Variants in HSPG2 observed in about 807,000 individuals in gnomAD.
The protein encoded by HSPG2 is basement membrane-specific heparan sulfate proteoglycan core protein.
HSPG2 carries 278 observed loss-of-function variants against 526.6 expected under a neutral mutation model. That is an observed-to-expected ratio of 0.53 (90% confidence interval 0.48 to 0.58). The LOEUF (loss-of-function observed/expected upper bound fraction) is 0.58, where lower values mean the gene tolerates loss of function less well. Among genes scored for constraint, HSPG2 ranks in the 20% least tolerant of loss-of-function variants. The pLI is 0.00. For missense variants in HSPG2, 5,354 were observed against 6,099.5 expected, an observed-to-expected ratio of 0.88 and a Z score of 4.07; for synonymous variants, 2,465 against 2,555.4, an observed-to-expected ratio of 0.96 and a Z score of 1.07.
Position 21,842,002 on chromosome 1 carries a change from C to T in HSPG2, c.9193G>A (p.Asp3065Asn). 1 of 1,613,294 alleles carries T rather than the reference C, an allele frequency of 6.2e-7. No homozygotes were observed. Among genetic ancestry groups the T allele is most frequent in the Non-Finnish European group, 8.5e-7 (1 of 1,180,012 alleles). ...CCACCTGCCCACCAGCCTGGCTCAC[C>T]CTCCAGCTCCTGGTTCCGGGTCTTC... ...EWKTRNQELE[D>N]NVHISPNGSI... Residue 3065 changes from aspartate to asparagine, a missense_variant and splice_region_variant, in exon 69 of 97, where the codon GAC becomes AAC. Asp to Asn is a conservative substitution (Grantham distance 23). Coordinates refer to ENST00000374695, the MANE Select transcript of HSPG2 (RefSeq NM_005529.7).
intron 3 of HSPG2, among the ~76,000 whole-genome samples, chr1:21,892,096 T>C (rs547317652): frequency 2.0e-5 from 3 of 152,366 alleles, no homozygotes; most frequent in Admixed American, 2.0e-4. Flanking sequence ...CCCATCCTCC[T>C]CCCGCTTTAC....
intron 1 of HSPG2, among the ~76,000 whole-genome samples, chr1:21,922,413 C>G (rs981062400): frequency 1.3e-5 from 2 of 152,242 alleles, no homozygotes; most frequent in African/African-American, 4.8e-5. Flanking sequence ...TCTGGGCGGT[C>G]TGAAGCCTTT....
chr1:21,929,460 C>T (rs754112544), intron 1 of HSPG2, among the ~76,000 whole-genome samples: 7 of 151,328 alleles, frequency 4.6e-5, no homozygotes, highest in Non-Finnish European at 8.8e-5. Context: ...CAGGCTGGAG[C>T]GCAGTGGCAA....
chr1:21,901,947 TC>T (rs1376541015), intron 1 of HSPG2, among the ~76,000 whole-genome samples: 3 of 151,798 alleles, frequency 2.0e-5, no homozygotes, highest in African/African-American at 7.3e-5. Flanking sequence ...CCAGACAAGG[TC>T]CCCATCCCCC....
chr1:21,856,129 A>G (rs934468040), intron 44 of HSPG2, among the ~76,000 whole-genome samples: 2 of 152,090 alleles, frequency 1.3e-5, no homozygotes, highest in African/African-American at 4.8e-5. Context: ...AATAAAATCC[A>G]AAATTCCTAC....
At chr1:21,846,373 G>A in intron 63 of HSPG2, 75 bp downstream of exon 63, 1 of 1,610,172 alleles carries the variant, frequency 6.2e-7, no homozygotes, top group Non-Finnish European at 8.5e-7. Flanking sequence ...GGGGCTCCTA[G>A]GTCTCCCTCT....
intron 50 of HSPG2, 103 bp downstream of exon 50, chr1:21,854,090 G>C: frequency 7.7e-7 from 1 of 1,301,442 alleles, no homozygotes; most frequent in South Asian, 1.5e-5. Context: ...GTCAAAGCCT[G>C]CCTGGAATGC....
rs1038668560 is a variant in HSPG2 at position 21,904,844 on chromosome 1, G to A, written c.64-8534C>T. Reference sequence around the variant, plus strand: ...GCCTGGCTTGGTTCTCAGGTTCTCCGGCTCCCAGCTGCCCTGCTGCCCTGG... The same window carrying A: ...GCCTGGCTTGGTTCTCAGGTTCTCCAGCTCCCAGCTGCCCTGCTGCCCTGG... On this transcript the variant is annotated intron_variant, in intron 1 of 96. Transcript: ENST00000374695. This position sits in a 1 kb window ranked among gnomAD's most constrained non-coding sequence, Gnocchi z 4.4. Among the ~76,000 whole-genome samples, 1 of 152,100 alleles carries A rather than the reference G, an allele frequency of 6.6e-6. No homozygotes were observed. Among genetic ancestry groups the A allele is most frequent in the Non-Finnish European group, 1.5e-5 (1 of 68,006 alleles).
intron 10 of HSPG2, 45 bp downstream of exon 10, chr1:21,885,275 G>C: frequency 1.9e-6 from 3 of 1,613,316 alleles, no homozygotes; most frequent in Non-Finnish European, 2.5e-6. Context: ...AGAACCCCTA[G>C]AACCCAGCCC....
chr1:21,864,745 TA>T lies in HSPG2; in HGVS notation c.4626+97del. On this transcript the variant is annotated intron_variant, in intron 36 of 96. Transcript: ENST00000374695. The surrounding 1 kb of genome is among the most constrained non-coding windows in gnomAD (Gnocchi z 4.8). ...CAGGGCCCAGATGCAGGGGTCATTATAGTTATGATGGTAATCAAGGCTGCGG... is the reference window on the plus strand; with the variant it reads ...CAGGGCCCAGATGCAGGGGTCATTATGTTATGATGGTAATCAAGGCTGCGG... 1.0e-6 allele frequency: 1 copy of T among 976,220 alleles called. No individual in the cohort carries two copies. Among genetic ancestry groups the T allele is most frequent in the Non-Finnish European group, 1.6e-6 (1 of 631,112 alleles). 60.5% of individuals were successfully genotyped at this position (976,220 alleles called of 1,614,324 possible). A position where few individuals can be genotyped will look rare whatever the true frequency, so the allele number is the denominator to read the frequency against.
At chr1:21,882,400 T>TAC (rs56357321) in intron 13 of HSPG2, among the ~76,000 whole-genome samples, 4,135 of 142,692 alleles carry the variant, frequency 0.029, 107 homozygotes, top group East Asian at 0.11. Flanking sequence ...CTCTTCTATG[T>TAC]ACACACACAC....
Position 21,864,639 on chromosome 1 carries a change from C to T in HSPG2, c.4626+204G>A, listed in dbSNP as rs1481236713. Among the ~76,000 whole-genome samples, 1 of 152,230 alleles carries T rather than the reference C, an allele frequency of 6.6e-6. No individual in the cohort carries two copies. The highest frequency in any genetic ancestry group is 2.4e-5 in the African/African-American group (1 of 41,454). On this transcript the variant is annotated intron_variant, in intron 36 of 96. Transcript: ENST00000374695. This position sits in a 1 kb window ranked among gnomAD's most constrained non-coding sequence, Gnocchi z 4.8. Reference sequence around the variant, plus strand: ...ATTAGCCGTGTGCCCTTGGGACACACTCACCCCTCAGCACCTCTATTTTTT... The same window carrying T: ...ATTAGCCGTGTGCCCTTGGGACACATTCACCCCTCAGCACCTCTATTTTTT...
Position 21,848,642 on chromosome 1 carries a change from C to T in HSPG2, c.7737+1G>A. ...GCCCTCCCCACCTGCTGGCCCTGTACCTGGTGCCGGCTGGGTAAGCTGCCT... is the reference window on the plus strand; with the variant it reads ...GCCCTCCCCACCTGCTGGCCCTGTATCTGGTGCCGGCTGGGTAAGCTGCCT... On this transcript the variant is annotated splice_donor_variant, in intron 59 of 96. Coordinates refer to ENST00000374695, the MANE Select transcript of HSPG2 (RefSeq NM_005529.7). LOFTEE classifies it high-confidence loss of function. The surrounding 1 kb of genome is among the most constrained non-coding windows in gnomAD (Gnocchi z 4.9). 1.9e-6 allele frequency: 3 copies of T among 1,613,304 alleles called. No homozygotes were observed. Among genetic ancestry groups the T allele is most frequent in the Non-Finnish European group, 2.5e-6 (3 of 1,180,016 alleles).
chr1:21,822,418 CCT>C lies in HSPG2; in HGVS notation c.*896_*897del, dbSNP rs1484871123. ...TGGGGCAGGGTGGTCATATCCCCCT[CCT>C]CTCTCTCTCAGTCGTGAGTCCTGCC... On this transcript the variant is annotated 3_prime_UTR_variant, in exon 97 of 97. Transcript: ENST00000374695. 3.3e-5 allele frequency: 20 copies of C among 602,742 alleles called. No individual in the cohort carries two copies. The highest frequency in any genetic ancestry group is 7.7e-5 in the South Asian group (4 of 51,800). The allele number at this position is 602,742 out of a possible 1,614,324, so 37.3% of individuals were successfully genotyped here.
At chr1:21,886,339 G>A (rs1456590852) in intron 9 of HSPG2, among the ~76,000 whole-genome samples, 2 of 151,086 alleles carry the variant, frequency 1.3e-5, no homozygotes, top group Non-Finnish European at 2.9e-5. Flanking sequence ...AAAGGCGTTC[G>A]CAAACTCTGC....
At chr1:21,829,206 CCATGGCTCA>C in intron 87 of HSPG2, 127 bp from the exon 88 acceptor site, 2 of 1,428,068 alleles carry the variant, frequency 1.4e-6, no homozygotes, top group South Asian at 2.6e-5. Context: ...GATGAGGAGC[CCATGGCTCA>C]GAGAGGGCTA....
chr1:21,854,467 CTGGGAGGG>C, intron 49 of HSPG2, 124 bp from the exon 50 acceptor site: 1 of 1,458,884 alleles, frequency 6.9e-7, no homozygotes, highest in Non-Finnish European at 9.3e-7. Flanking sequence ...ATGCTAGAAA[CTGGGAGGG>C]AGGGAGATGA....
At position 21,895,890 on chromosome 1, in the gene HSPG2, G is replaced by GGGAGACCTGCA. The variant is rs1553175082; in HGVS notation, c.244+21_244+31dup. 6.2e-7 allele frequency: 1 copy of GGGAGACCTGCA among 1,609,694 alleles called. No homozygotes were observed. Among genetic ancestry groups the GGGAGACCTGCA allele is most frequent in the Non-Finnish European group, 8.5e-7 (1 of 1,176,486 alleles). On this transcript the variant is annotated intron_variant, in intron 3 of 96. Coordinates refer to ENST00000374695, the MANE Select transcript of HSPG2 (RefSeq NM_005529.7). This position sits in a 1 kb window ranked among gnomAD's most constrained non-coding sequence, Gnocchi z 4.1. ...TCTGGGGCTTCCCTGGGGGACAGGA[G>GGGAGACCTGCA]GGAGACCTGCAGGAGGCCTGCAGCA...
At position 21,864,574 on chromosome 1, in the gene HSPG2, G is replaced by A. The variant is rs1188348491; in HGVS notation, c.4626+269C>T. Among the ~76,000 whole-genome samples, 6 of 152,220 alleles carry A rather than the reference G, an allele frequency of 3.9e-5. No individual in the cohort carries two copies. The highest frequency in any genetic ancestry group is 3.9e-4 in the Admixed American group (6 of 15,284). ...AGTGGTTAGGACATGCTAGGCTTTGGAGTCAATCAGACCCAGGTTCAAATT... is the reference window on the plus strand; with the variant it reads ...AGTGGTTAGGACATGCTAGGCTTTGAAGTCAATCAGACCCAGGTTCAAATT... On this transcript the variant is annotated intron_variant, in intron 36 of 96. Coordinates refer to ENST00000374695, the MANE Select transcript of HSPG2 (RefSeq NM_005529.7). This position sits in a 1 kb window ranked among gnomAD's most constrained non-coding sequence, Gnocchi z 4.8.
Sources: allele counts gnomAD v4.1 joint callset (sites outside exome capture counted in the v4.1 genomes callset), GRCh38; gene constraint gnomAD v4.1.1; non-coding constraint Gnocchi (gnomAD v3.1); transcripts MANE v1.5; gene names NCBI Gene and HGNC (gene_info 2026-07-23, HGNC 2026-07-21).